The following POU6F2 variants were observed in gnomAD, a reference collection of about 807,000 sequenced individuals.
POU6F2 encodes POU class 6 homeobox 2.
In POU6F2, 31 loss-of-function variants were observed where a neutral mutation model predicts 71.3. The observed-to-expected ratio is 0.43, with a 90% CI of 0.33 to 0.59. The LOEUF is 0.59. Ranked by LOEUF, POU6F2 falls within the 20% of genes least tolerant of loss-of-function variation. The pLI is 0.04. For synonymous variants in POU6F2, 347 were observed against 355.7 expected, an observed-to-expected ratio of 0.98 and a Z score of 0.27; for missense variants, 783 against 856.8, an observed-to-expected ratio of 0.91 and a Z score of 1.07.
intron 2 of POU6F2, among the ~76,000 whole-genome samples, chr7:39,195,923 T>TTC (rs899228017): frequency 1.3e-5 from 2 of 151,926 alleles, no homozygotes; most frequent in Non-Finnish European, 1.5e-5. Context: ...CAAAACGCTC[T>TTC]TCTCTCTCTC....
chr7:39,074,827 A>C (rs1292571512), intron 1 of POU6F2, among the ~76,000 whole-genome samples: 1 of 152,156 alleles, frequency 6.6e-6, no homozygotes, highest in Non-Finnish European at 1.5e-5. Flanking sequence ...GGGAGCAAGC[A>C]ATATCAAAAT....
intron 4 of POU6F2, among the ~76,000 whole-genome samples, chr7:39,288,391 G>C (rs543393470): frequency 6.6e-6 from 1 of 152,280 alleles, no homozygotes; most frequent in South Asian, 2.1e-4. Flanking sequence ...TCATCTCATA[G>C]GACAGAGGAG....
At chr7:39,185,732 A>G (rs1309575397) in intron 2 of POU6F2, among the ~76,000 whole-genome samples, 1 of 151,796 alleles carries the variant, frequency 6.6e-6, no homozygotes, top group African/African-American at 2.4e-5. Context: ...TCTGGCCATC[A>G]TTCAGTAAAT....
At chr7:39,214,214 C>CA (rs1217926351) in intron 4 of POU6F2, among the ~76,000 whole-genome samples, 1 of 152,158 alleles carries the variant, frequency 6.6e-6, no homozygotes, top group African/African-American at 2.4e-5. Context: ...GATGTGAGGG[C>CA]ATTCTGGCCT....
chr7:39,028,002 T>G (rs575037106), intron 1 of POU6F2, among the ~76,000 whole-genome samples: 1 of 152,336 alleles, frequency 6.6e-6, no homozygotes, highest in South Asian at 2.1e-4. Context: ...TTTCCAAGAC[T>G]TGGTATAACC....
chr7:39,105,981 T>C (rs1004562936), intron 2 of POU6F2, among the ~76,000 whole-genome samples: 8 of 152,122 alleles, frequency 5.3e-5, no homozygotes, highest in Admixed American at 1.3e-4. Flanking sequence ...TTAAGCTCAG[T>C]GCTTGTAACC....
At chr7:39,378,364 T>C (rs1351903260) in intron 5 of POU6F2, among the ~76,000 whole-genome samples, 1 of 152,188 alleles carries the variant, frequency 6.6e-6, no homozygotes, top group Non-Finnish European at 1.5e-5. Context: ...TCCTTATCCA[T>C]GCTCCCCTGA....
intron 1 of POU6F2, chr7:38,984,949 T>C (rs1788425200): frequency 1.3e-5 from 2 of 151,980 alleles, no homozygotes; most frequent in Admixed American, 6.6e-5. Context: ...GCACAACATT[T>C]ATAGGGAGCT....
chr7:39,111,759 AC>A (rs1791818986), intron 2 of POU6F2, among the ~76,000 whole-genome samples: 1 of 152,174 alleles, frequency 6.6e-6, no homozygotes, highest in Admixed American at 6.5e-5. Context: ...CAATTATATC[AC>A]GCAAGGACTG....
intron 2 of POU6F2, among the ~76,000 whole-genome samples, chr7:39,105,687 C>A (rs755061000): frequency 6.6e-6 from 1 of 152,062 alleles, no homozygotes; most frequent in African/African-American, 2.4e-5. Context: ...TAAGTATGGA[C>A]GTGGTAAACT....
intron 1 of POU6F2, among the ~76,000 whole-genome samples, chr7:39,050,105 A>G (rs1339610322): frequency 6.6e-6 from 1 of 151,954 alleles, no homozygotes; most frequent in East Asian, 1.9e-4. Flanking sequence ...TTTGTTTAGT[A>G]ACTTGTTTGG....
chr7:39,235,845 G>C (rs952665477), intron 4 of POU6F2, among the ~76,000 whole-genome samples: 18 of 152,084 alleles, frequency 1.2e-4, no homozygotes, highest in African/African-American at 4.3e-4. Flanking sequence ...AAACACATGT[G>C]GGGGAAAATG....
At chr7:39,132,219 T>G (rs1347972351) in intron 2 of POU6F2, among the ~76,000 whole-genome samples, 1 of 152,212 alleles carries the variant, frequency 6.6e-6, no homozygotes, top group Non-Finnish European at 1.5e-5. Flanking sequence ...TTTGGAAAAC[T>G]GTAAGACTAC....
intron 4 of POU6F2, among the ~76,000 whole-genome samples, chr7:39,235,304 A>G (rs1458313346): frequency 6.6e-6 from 1 of 152,238 alleles, no homozygotes; most frequent in African/African-American, 2.4e-5. Context: ...AGATCATAAT[A>G]AAAATAGCTC....
chr7:39,091,125 C>T (rs973302517), intron 2 of POU6F2, among the ~76,000 whole-genome samples: 7 of 152,172 alleles, frequency 4.6e-5, no homozygotes, highest in Admixed American at 2.6e-4. Flanking sequence ...AATAAATCCA[C>T]TTTAAATAAC....
chr7:39,347,409 C>T (rs1030435926), intron 5 of POU6F2, among the ~76,000 whole-genome samples: 8 of 152,102 alleles, frequency 5.3e-5, no homozygotes, highest in African/African-American at 1.9e-4. Flanking sequence ...CATCCTGAGT[C>T]AGAGAGGTAC....
intron 1 of POU6F2, chr7:38,984,879 G>A (rs1788423662): frequency 6.6e-6 from 1 of 152,056 alleles, no homozygotes; most frequent in South Asian, 2.1e-4. Flanking sequence ...ATACATACCT[G>A]TTAAATGGTG....
intron 2 of POU6F2, among the ~76,000 whole-genome samples, chr7:39,139,232 G>C (rs1277132236): frequency 6.6e-6 from 1 of 152,122 alleles, no homozygotes; most frequent in East Asian, 1.9e-4. Context: ...CCAGATTATT[G>C]AGGCATTAGA....
intron 4 of POU6F2, among the ~76,000 whole-genome samples, chr7:39,335,283 A>G (rs1785746777): frequency 6.6e-6 from 1 of 152,158 alleles, no homozygotes; most frequent in Admixed American, 6.5e-5. Context: ...TACTCAAATT[A>G]GCATCTTTAT....
Sources: allele counts gnomAD v4.1 joint callset (sites outside exome capture counted in the v4.1 genomes callset), GRCh38; gene constraint gnomAD v4.1.1; transcripts MANE v1.5; gene names NCBI Gene and HGNC (gene_info 2026-07-23, HGNC 2026-07-21).